The following C2CD3 variants were observed in gnomAD, a reference collection of about 807,000 sequenced individuals.
C2CD3 encodes C2 domain-containing protein 3.
C2CD3 carries 148 observed loss-of-function variants against 234.0 expected under a neutral mutation model. The observed-to-expected ratio is 0.63, with a 90% CI of 0.55 to 0.72. The LOEUF (loss-of-function observed/expected upper bound fraction) is 0.72, where lower values mean the gene tolerates loss of function less well. C2CD3 is among the 30% of genes least tolerant of loss of function. The pLI, the probability that C2CD3 is intolerant of heterozygous loss-of-function variation, is 0.00. For synonymous variants in C2CD3, 1,000 were observed against 1,035.4 expected (o/e 0.97, Z 0.66); for missense variants, 2,577 against 2,811.5 (o/e 0.92, Z 1.89).
At chr11:74,105,365 G>A (rs1281835673) in intron 13 of C2CD3, among the ~76,000 whole-genome samples, 2 of 151,978 alleles carry the variant, frequency 1.3e-5, no homozygotes, top group Admixed American at 6.6e-5. Flanking sequence ...CTGCCTCCTG[G>A]GTTCAAACGA....
At chr11:74,168,660 A>G in intron 1 of C2CD3, 47 bp from the exon 2 acceptor site, 1 of 1,527,330 alleles carries the variant, frequency 6.5e-7, no homozygotes, top group Non-Finnish European at 9.0e-7. Context: ...GACTAAATAT[A>G]GAAAACATAT....
At chr11:74,057,046 G>A (rs551253649) in intron 25 of C2CD3, among the ~76,000 whole-genome samples, 3 of 151,890 alleles carry the variant, frequency 2.0e-5, no homozygotes, top group Non-Finnish European at 4.4e-5. Context: ...TTACAGGCAT[G>A]TGTCACCAAA....
chr11:74,071,414 T>G (rs578245144), intron 24 of C2CD3, among the ~76,000 whole-genome samples: 5 of 152,364 alleles, frequency 3.3e-5, no homozygotes, highest in Admixed American at 1.3e-4. Flanking sequence ...AGTCAGGCAC[T>G]GTGCTGAGCA....
rs778996305 is a variant in C2CD3 at position 74,084,970 on chromosome 11, G to A, written c.3911C>T (p.Ala1304Val). ...TGACTCAATACTGATTATATCACTT[G>A]CTGTTAAATCAAGCAAAAAAGAAAA... ...FAVYHENTKS[A>V]SDIISIESCK... The change falls in exon 22 of 33, where the codon GCA becomes GTA. Residue 1304 changes from alanine (A) to valine (V), a missense_variant and splice_region_variant. Coordinates refer to ENST00000334126, the MANE Select transcript of C2CD3 (RefSeq NM_001286577.2). 37 of 1,599,106 alleles carry A rather than the reference G, an allele frequency of 2.3e-5. No homozygotes were observed. Among genetic ancestry groups the A allele is most frequent in the Non-Finnish European group, 2.8e-5 (33 of 1,167,504 alleles).
At chr11:74,084,637 T>C (rs558890362) in intron 22 of C2CD3, among the ~76,000 whole-genome samples, 53 of 152,152 alleles carry the variant, frequency 3.5e-4, no homozygotes, top group Admixed American at 9.8e-4. Context: ...GCTCAGCTCA[T>C]TGGAACACAT....
At position 74,033,949 on chromosome 11, in the gene C2CD3, G is replaced by A; in HGVS notation, c.6211C>T (p.Pro2071Ser). 12 of 1,536,362 alleles carry A rather than the reference G, an allele frequency of 7.8e-6. No homozygotes were observed. Among genetic ancestry groups the A allele is most frequent in the Non-Finnish European group, 9.6e-6 (11 of 1,146,954 alleles). ...DEDYEEDIIE[P>S]RTLNEITTVT... ...GTGGTGATCTCATTTAAGGTCCTGGGCTCAATGATGTCTTCTTCATAGTCC... is the reference window on the plus strand; with the variant it reads ...GTGGTGATCTCATTTAAGGTCCTGGACTCAATGATGTCTTCTTCATAGTCC... The change falls in exon 31 of 33, where the codon CCC becomes TCC. Residue 2071 changes from proline to serine, a missense_variant. Pro to Ser is a moderately conservative substitution (Grantham distance 74, BLOSUM62 -1). Coordinates refer to ENST00000334126, the MANE Select transcript of C2CD3 (RefSeq NM_001286577.2).
In C2CD3 at chr11:74,013,429, TGA is replaced by T. The variant is rs1243228480; in HGVS notation, c.7016_7017del (p.Leu2339GlnfsTer134). 6 of 1,381,472 alleles carry T rather than the reference TGA, an allele frequency of 4.3e-6. No homozygotes were observed. Among genetic ancestry groups the T allele is most frequent in the African/African-American group, 3.0e-5 (2 of 67,080 alleles). The allele number at this position is 1,381,472 out of a possible 1,614,324, so 85.6% of individuals were successfully genotyped here. A position where few individuals can be genotyped will look rare whatever the true frequency, so the allele number is the denominator to read the frequency against. On this transcript the variant is annotated frameshift_variant, in exon 33 of 33. Coordinates refer to ENST00000334126, the MANE Select transcript of C2CD3 (RefSeq NM_001286577.2). LOFTEE classifies it high-confidence loss of function. ...TGAGAAGAAAATATCCGTGCAATCC[TGA>T]GAGTTTCTTCCTCAGGCAGGTTGAG... ...LPLNLPEEET[L>X]RIARIFSSQY...
At chr11:74,170,048 C>T (rs1255164873) in intron 1 of C2CD3, among the ~76,000 whole-genome samples, 3 of 152,112 alleles carry the variant, frequency 2.0e-5, no homozygotes, top group African/African-American at 4.8e-5. Flanking sequence ...GTTGACTGTT[C>T]TCACTGCAGC....
chr11:74,116,664 A>T (rs989978813), intron 9 of C2CD3, among the ~76,000 whole-genome samples: 22 of 151,854 alleles, frequency 1.4e-4, no homozygotes, highest in African/African-American at 5.3e-4. Flanking sequence ...TATGAAAAAG[A>T]TACTTGTACT....
intron 32 of C2CD3, among the ~76,000 whole-genome samples, chr11:74,024,361 G>C (rs1952207903): frequency 6.6e-6 from 1 of 152,218 alleles, no homozygotes; most frequent in Admixed American, 6.5e-5. Flanking sequence ...TGGATAACCA[G>C]TTACCAGTAG....
chr11:74,014,237 A>C (rs952596342), intron 32 of C2CD3, among the ~76,000 whole-genome samples: 1 of 152,182 alleles, frequency 6.6e-6, no homozygotes, highest in Admixed American at 6.5e-5. Context: ...GCCATCCCAG[A>C]CAGCTGGCTG....
chr11:74,058,352 G>A (rs1040535072), intron 24 of C2CD3, among the ~76,000 whole-genome samples: 2 of 151,938 alleles, frequency 1.3e-5, no homozygotes, highest in Non-Finnish European at 2.9e-5. Context: ...ACTGTTCTAT[G>A]TACTTTATAT....
chr11:74,041,855 TC>T (rs1953077225), intron 29 of C2CD3, among the ~76,000 whole-genome samples, 198 bp downstream of exon 29: 1 of 152,074 alleles, frequency 6.6e-6, no homozygotes, highest in South Asian at 2.1e-4. Context: ...GAATGGAAGG[TC>T]CCAAGCTGAT....
intron 13 of C2CD3, 123 bp from the exon 14 acceptor site, chr11:74,103,748 T>C (rs1956409717): frequency 5.4e-6 from 4 of 745,806 alleles, no homozygotes; most frequent in Non-Finnish European, 8.6e-6. Context: ...AACACTCTAA[T>C]AGTAAGAATA....
chr11:74,107,509 C>T (rs1222687879), intron 12 of C2CD3, among the ~76,000 whole-genome samples: 1 of 152,136 alleles, frequency 6.6e-6, no homozygotes, highest in Non-Finnish European at 1.5e-5. Flanking sequence ...ATTAAAATGA[C>T]ATTTACTAAA....
intron 7 of C2CD3, 76 bp from the exon 8 acceptor site, chr11:74,123,211 TTC>T: frequency 4.8e-6 from 5 of 1,044,742 alleles, no homozygotes; most frequent in Admixed American, 2.2e-5. Flanking sequence ...TAGTGAAACT[TTC>T]TGAGGTTCTA....
At chr11:74,076,556 T>C (rs2135462867) in intron 23 of C2CD3, among the ~76,000 whole-genome samples, 1 of 152,340 alleles carries the variant, frequency 6.6e-6, no homozygotes, top group East Asian at 1.9e-4. Flanking sequence ...TAGTTTTCCA[T>C]AATTCTCAGG....
intron 25 of C2CD3, among the ~76,000 whole-genome samples, chr11:74,056,750 G>A (rs962267763): frequency 6.6e-6 from 1 of 152,056 alleles, no homozygotes. Context: ...ATATCTTTCC[G>A]ACTCTTATTC....
At chr11:74,076,984 C>G (rs544322111) in intron 23 of C2CD3, among the ~76,000 whole-genome samples, 1 of 152,130 alleles carries the variant, frequency 6.6e-6, no homozygotes, top group Non-Finnish European at 1.5e-5. Flanking sequence ...CTAGTTCTTA[C>G]TCATCTTTGA....
Sources: allele counts gnomAD v4.1 joint callset (sites outside exome capture counted in the v4.1 genomes callset), GRCh38; gene constraint gnomAD v4.1.1; transcripts MANE v1.5; gene names NCBI Gene and HGNC (gene_info 2026-07-23, HGNC 2026-07-21).